The following NKAIN3 variants were observed in gnomAD, a reference collection of about 807,000 sequenced individuals.
NKAIN3 encodes sodium/potassium transporting ATPase interacting 3.
A neutral mutation model predicts 30.2 loss-of-function variants in NKAIN3; 25 were observed. The ratio of observed to expected loss-of-function variants is 0.83; its 90% confidence interval spans 0.60 to 1.16. NKAIN3 has a LOEUF of 1.16. Ranked by LOEUF, NKAIN3 falls within the 50% of genes most tolerant of loss-of-function variation. The pLI, the probability that NKAIN3 is intolerant of heterozygous loss-of-function variation, is 0.00. For missense variants in NKAIN3, 225 were observed against 254.1 expected (o/e 0.89, Z 0.78); for synonymous variants, 91 against 89.6 (o/e 1.02, Z -0.09).
chr8:62,781,205 A>G (rs1817343652), intron 4 of NKAIN3, among the ~76,000 whole-genome samples: 1 of 151,910 alleles, frequency 6.6e-6, no homozygotes, highest in Admixed American at 6.6e-5. Flanking sequence ...AATAAAATAT[A>G]TATGAATAAA....
intron 1 of NKAIN3, among the ~76,000 whole-genome samples, chr8:62,305,003 T>C (rs1166325834): frequency 6.6e-6 from 1 of 150,508 alleles, no homozygotes; most frequent in Non-Finnish European, 1.5e-5. Context: ...AGTCAGATAC[T>C]GATGTGTAAA....
intron 3 of NKAIN3, among the ~76,000 whole-genome samples, chr8:62,719,930 T>G (rs1455450031): frequency 6.6e-6 from 1 of 151,982 alleles, no homozygotes; most frequent in East Asian, 1.9e-4. Flanking sequence ...CTAATTTTTT[T>G]GTATTTTCAG....
intron 1 of NKAIN3, among the ~76,000 whole-genome samples, chr8:62,557,759 T>C (rs1174071111): frequency 1.3e-5 from 2 of 152,118 alleles, no homozygotes; most frequent in African/African-American, 4.8e-5. Context: ...GAATTGTTTG[T>C]TTATGTCTTG....
intron 4 of NKAIN3, among the ~76,000 whole-genome samples, chr8:62,767,028 A>G (rs1260697112): frequency 1.3e-5 from 2 of 152,096 alleles, no homozygotes; most frequent in African/African-American, 4.8e-5. Context: ...AGCAAGGAGT[A>G]GTGGACATCT....
chr8:62,853,237 T>C (rs1212200357), intron 4 of NKAIN3, among the ~76,000 whole-genome samples: 1 of 152,214 alleles, frequency 6.6e-6, no homozygotes, highest in Non-Finnish European at 1.5e-5. Flanking sequence ...TTGATCTTTG[T>C]TGGTTTAAAG....
Position 62,898,422 on chromosome 8 carries a change from A to G in NKAIN3, c.472-20031A>G, listed in dbSNP as rs1480872653. ...AATAATGTCTTCTGCAGCAACTTGGATGGAACTTGAGACCATTATTCAAAG... is the reference window on the plus strand; with the variant it reads ...AATAATGTCTTCTGCAGCAACTTGGGTGGAACTTGAGACCATTATTCAAAG... On this transcript the variant is annotated intron_variant, in intron 4 of 6. Transcript: ENST00000623646. 2.0e-5 allele frequency among the ~76,000 whole-genome samples: 3 copies of G among 152,268 alleles called. No individual in the cohort carries two copies. The East Asian group carries it at 5.8e-4, about 29-fold the overall frequency.
intron 5 of NKAIN3, among the ~76,000 whole-genome samples, chr8:62,926,900 A>C (rs964823068): frequency 6.6e-6 from 1 of 151,808 alleles, no homozygotes; most frequent in African/African-American, 2.4e-5. Context: ...CTATTTAAGC[A>C]CCTTGCTCTC....
At chr8:62,596,697 A>G (rs1174082539) in intron 3 of NKAIN3, among the ~76,000 whole-genome samples, 1 of 152,076 alleles carries the variant, frequency 6.6e-6, no homozygotes, top group Admixed American at 6.6e-5. Context: ...CGACCACTGC[A>G]TACCCCACTT....
chr8:62,260,381 A>G (rs1157394296), intron 1 of NKAIN3, among the ~76,000 whole-genome samples: 1 of 152,202 alleles, frequency 6.6e-6, no homozygotes, highest in East Asian at 1.9e-4. Flanking sequence ...ATTGTTGTTA[A>G]TGATAATTCT....
At chr8:62,583,637 T>A (rs886663117) in intron 2 of NKAIN3, among the ~76,000 whole-genome samples, 1 of 152,114 alleles carries the variant, frequency 6.6e-6, no homozygotes, top group African/African-American at 2.4e-5. Context: ...CAGAACTGGG[T>A]GTGTACTGGC....
At chr8:62,472,225 C>T (rs147854634) in intron 1 of NKAIN3, among the ~76,000 whole-genome samples, 2 of 152,128 alleles carry the variant, frequency 1.3e-5, no homozygotes, top group South Asian at 2.1e-4. Context: ...AGGAATGGGG[C>T]CTTTAACTCC....
intron 5 of NKAIN3, among the ~76,000 whole-genome samples, chr8:62,996,119 C>T (rs1804106428): frequency 6.6e-6 from 1 of 151,930 alleles, no homozygotes; most frequent in Admixed American, 6.6e-5. Flanking sequence ...GGTCTTTTTT[C>T]ACACTGCTAA....
At chr8:62,455,588 A>T (rs1299809552) in intron 1 of NKAIN3, among the ~76,000 whole-genome samples, 1 of 152,202 alleles carries the variant, frequency 6.6e-6, no homozygotes, top group African/African-American at 2.4e-5. Context: ...TACCTGAGTG[A>T]TGGGATCAGT....
intron 1 of NKAIN3, among the ~76,000 whole-genome samples, chr8:62,435,118 G>A (rs1310237389): frequency 1.3e-5 from 2 of 152,058 alleles, no homozygotes; most frequent in Non-Finnish European, 2.9e-5. Context: ...TCTGGTCAGC[G>A]CTGACACCTC....
intron 1 of NKAIN3, among the ~76,000 whole-genome samples, chr8:62,498,534 A>G (rs958784673): frequency 1.3e-5 from 2 of 151,836 alleles, no homozygotes; most frequent in African/African-American, 2.4e-5. Context: ...TGCTTGGATG[A>G]TAACTACTAT....
chr8:62,864,878 T>C (rs1303525502), intron 4 of NKAIN3, among the ~76,000 whole-genome samples: 1 of 152,038 alleles, frequency 6.6e-6, no homozygotes, highest in Non-Finnish European at 1.5e-5. Context: ...TACCGTTCCA[T>C]AGAGGTTTTA....
At chr8:62,397,989 C>T (rs1817819062) in intron 1 of NKAIN3, among the ~76,000 whole-genome samples, 1 of 152,082 alleles carries the variant, frequency 6.6e-6, no homozygotes, top group Non-Finnish European at 1.5e-5. Context: ...CATCATTTTC[C>T]ACATACAAAC....
At chr8:62,802,981 C>G (rs1818124315) in intron 4 of NKAIN3, among the ~76,000 whole-genome samples, 1 of 152,106 alleles carries the variant, frequency 6.6e-6, no homozygotes, top group South Asian at 2.1e-4. Flanking sequence ...TCTGATAAAA[C>G]AGACTTTAAA....
chr8:62,856,003 G>A lies in NKAIN3; in HGVS notation c.472-62450G>A, dbSNP rs969021807. ...CTCCCAATCACCAGCAACTCCTCAG[G>A]GCACATGAACAGGGAGGGCCTCAGA... On this transcript the variant is annotated intron_variant, in intron 4 of 6. Transcript: ENST00000623646. 11 of 689,812 alleles carry A rather than the reference G, an allele frequency of 1.6e-5. No homozygotes were observed. In the African/African-American group the frequency reaches 1.8e-4, roughly 11 times the overall value. 42.7% of individuals were successfully genotyped at this position (689,812 alleles called of 1,614,324 possible). A position where few individuals can be genotyped will look rare whatever the true frequency, so the allele number is the denominator to read the frequency against.
Sources: allele counts gnomAD v4.1 joint callset (sites outside exome capture counted in the v4.1 genomes callset), GRCh38; gene constraint gnomAD v4.1.1; transcripts MANE v1.5; gene names NCBI Gene and HGNC (gene_info 2026-07-23, HGNC 2026-07-21).